The following PTPRS variants were observed in gnomAD, a reference collection of about 807,000 sequenced individuals.
The protein encoded by PTPRS is protein tyrosine phosphatase receptor type S, also known as receptor-type tyrosine-protein phosphatase S.
In PTPRS, 63 loss-of-function variants were observed where a neutral mutation model predicts 215.3. The ratio of observed to expected loss-of-function variants is 0.29; its 90% CI spans 0.24 to 0.36. The LOEUF (loss-of-function observed/expected upper bound fraction) is 0.36. PTPRS is among the 10% of genes least tolerant of loss of function. The pLI is 1.00. For missense variants in PTPRS, 2,258 were observed against 2,825.8 expected, an observed-to-expected ratio of 0.80 and a Z score of 4.56; for synonymous variants, 1,404 against 1,191.4, an observed-to-expected ratio of 1.18 and a Z score of -3.68.
chr19:5,231,257 CGGGGGCCGGGCTGGGGCCTGCGGG>C, intron 14 of PTPRS, 29 bp downstream of exon 14: 2 of 1,524,284 alleles, frequency 1.3e-6, no homozygotes, highest in Middle Eastern at 2.2e-4. Context: ...GGCTTCGAGG[CGGGGGCCGGGCTGGGGCCTGCGGG>C]GGGTCCCGGG....
chr19:5,230,621 CTA>C (rs944148018), intron 14 of PTPRS, among the ~76,000 whole-genome samples: 33 of 152,148 alleles, frequency 2.2e-4, no homozygotes, highest in African/African-American at 7.7e-4. Flanking sequence ...CCATGCTTGG[CTA>C]TGTTTTAAAA....
In PTPRS at chr19:5,220,367, GGAAA is replaced by G. The variant is rs1233635246; in HGVS notation, c.3456-18_3456-15del. On this transcript the variant is annotated splice_polypyrimidine_tract_variant and intron_variant, in intron 20 of 37. Transcript: ENST00000262963. ...ATGAAATAGCTCCTGTAGGGAGATG[GGAAA>G]GAGTCAGAGGGGCTGTCGATAGGGA... 8 of 1,606,984 alleles carry G rather than the reference GGAAA, an allele frequency of 5.0e-6. No homozygotes were observed. In the African/African-American group the frequency reaches 8.0e-5, roughly 16 times the overall value.
intron 13 of PTPRS, 97 bp from the exon 14 acceptor site, chr19:5,231,712 A>C: frequency 1.8e-6 from 1 of 559,428 alleles, no homozygotes; most frequent in Non-Finnish European, 3.2e-6. Context: ...AGAAAATAAA[A>C]AAGAAGATGA....
intron 1 of PTPRS, among the ~76,000 whole-genome samples, chr19:5,296,457 T>G (rs576453537): frequency 6.6e-6 from 1 of 152,228 alleles, no homozygotes; most frequent in South Asian, 2.1e-4. Flanking sequence ...GCTAGGATGG[T>G]GCCACTGCAG....
chr19:5,315,636 A>AC (rs2049852904), intron 1 of PTPRS, among the ~76,000 whole-genome samples: 1 of 147,174 alleles, frequency 6.8e-6, no homozygotes, highest in Non-Finnish European at 1.5e-5. Context: ...AGTAGCTGGG[A>AC]CAATAGGCAA....
chr19:5,212,489 A>G lies in PTPRS; in HGVS notation c.4617T>C (p.Asn1539=), dbSNP rs1317555330. Reference sequence around the variant, plus strand: ...GGACCTCGCGTTTCTCACTGGAGCCATTCTGGGGACCACAAGGATGTCACC... The same window carrying G: ...GGACCTCGCGTTTCTCACTGGAGCCGTTCTGGGGACCACAAGGATGTCACC... The part of the protein sequence containing the change: ...FCVRTFSLHK[N]GSSEKREVRQ... Residue 1539 remains asparagine, a splice_region_variant and synonymous_variant, in exon 31 of 38, where the codon AAT becomes AAC. Coordinates refer to ENST00000262963, the MANE Select transcript of PTPRS (RefSeq NM_002850.4). 1 of 1,587,380 alleles carries G rather than the reference A, an allele frequency of 6.3e-7. No homozygotes were observed. Among genetic ancestry groups the G allele is most frequent in the East Asian group, 2.3e-5 (1 of 43,456 alleles).
chr19:5,289,966 G>C (rs914601253), intron 1 of PTPRS, among the ~76,000 whole-genome samples: 49 of 152,260 alleles, frequency 3.2e-4, no homozygotes, highest in African/African-American at 1.2e-3. Flanking sequence ...TGGGCCACCA[G>C]CCTTGCCACT....
intron 8 of PTPRS, among the ~76,000 whole-genome samples, chr19:5,256,542 G>A (rs562079650): frequency 4.6e-5 from 7 of 152,044 alleles, no homozygotes; most frequent in South Asian, 2.1e-4. Flanking sequence ...GGCCCCACCC[G>A]GCTCCCTGCC....
At position 5,262,865 on chromosome 19, in the gene PTPRS, C is replaced by T. The variant is rs917479391; in HGVS notation, c.577+99G>A. On this transcript the variant is annotated intron_variant, in intron 6 of 37. Transcript: ENST00000262963. ...ACCAGGCAGAGTGGGTCACAGTTAC[C>T]ATCACGGTGGCTGTTAGTTTGGTGA... 4 of 1,315,338 alleles carry T rather than the reference C, an allele frequency of 3.0e-6. No homozygotes were observed. In the African/African-American group the frequency reaches 5.8e-5, roughly 19 times the overall value. 81.5% of individuals were successfully genotyped at this position (1,315,338 alleles called of 1,614,324 possible).
chr19:5,286,698 A>G (rs1323530216), intron 1 of PTPRS, among the ~76,000 whole-genome samples: 2 of 152,100 alleles, frequency 1.3e-5, no homozygotes, highest in Admixed American at 6.6e-5. Flanking sequence ...TGAGGTACCA[A>G]TTTCTGTCAT....
rs1341743998 is a variant in PTPRS at position 5,293,605 on chromosome 19, A to AGGGC, written c.-94-7375_-94-7372dup. Among the ~76,000 whole-genome samples the AGGGC allele has an allele frequency of 6.6e-6, 1 of 152,110 alleles. No individual in the cohort carries two copies. Among genetic ancestry groups the AGGGC allele is most frequent in the African/African-American group, 2.4e-5 (1 of 41,426 alleles). Reference sequence around the variant, plus strand: ...CGCATGAGGAGGCTGGATGCCGGACAGGGCGGCGGAGGGCTCCCCAAACAC... The same window carrying AGGGC: ...CGCATGAGGAGGCTGGATGCCGGACAGGGCGGGCGGCGGAGGGCTCCCCAAACAC... On this transcript the variant is annotated intron_variant, in intron 1 of 37. Coordinates refer to ENST00000262963, the MANE Select transcript of PTPRS (RefSeq NM_002850.4). The surrounding 1 kb of genome is among the most constrained non-coding windows in gnomAD (Gnocchi z 8.4).
rs1389372822 is a variant in PTPRS, at chr19:5,288,413, T to C, written c.-94-2179A>G. ...CTAGGTACACCTTGCACACAACCAG[T>C]TGGGGACTGGGAAGATGAAGGAAAT... On this transcript the variant is annotated intron_variant, in intron 1 of 37. Coordinates refer to ENST00000262963, the MANE Select transcript of PTPRS (RefSeq NM_002850.4). 2.6e-5 allele frequency among the ~76,000 whole-genome samples: 4 copies of C among 152,258 alleles called. No homozygotes were observed. The East Asian group carries it at 5.8e-4, about 22-fold the overall frequency.
chr19:5,211,394 G>A (rs1264793394), intron 33 of PTPRS, among the ~76,000 whole-genome samples, 196 bp downstream of exon 33: 1 of 152,172 alleles, frequency 6.6e-6, no homozygotes, highest in African/African-American at 2.4e-5. Context: ...ATTATGGACA[G>A]CAGCCATCAG....
intron 35 of PTPRS, among the ~76,000 whole-genome samples, chr19:5,208,612 A>C (rs146950415): frequency 0.014 from 2,123 of 152,164 alleles, 20 homozygotes; most frequent in Middle Eastern, 0.044. Flanking sequence ...CCTCCCGATT[A>C]GCTGGGATTA....
In PTPRS at chr19:5,234,884, G is replaced by C. The variant is rs911796098; in HGVS notation, c.1850-3269C>G. Among the ~76,000 whole-genome samples, 12 of 151,810 alleles carry C rather than the reference G, an allele frequency of 7.9e-5. 1 individual carries two copies. The highest frequency in any genetic ancestry group is 2.9e-4 in the African/African-American group (12 of 41,312). On this transcript the variant is annotated intron_variant, in intron 13 of 37. Transcript: ENST00000262963. ...TTTCCACATATGAAGCACCTACTAT[G>C]TGTCAGGCAACTCTACTAAGGGCCT...
rs1244894808 is a variant in PTPRS at position 5,294,511 on chromosome 19, G to A, written c.-94-8277C>T. ...ACTCTCTAGAAGCCATTACTCAGTG[G>A]GGCAAAGGACGTGGGCTTTGATGGG... On this transcript the variant is annotated intron_variant, in intron 1 of 37. Transcript: ENST00000262963. The surrounding 1 kb of genome is among the most constrained non-coding windows in gnomAD (Gnocchi z 5.1). The A allele has an allele frequency of 6.6e-6, 1 of 152,202 alleles. No individual in the cohort carries two copies. Among genetic ancestry groups the A allele is most frequent in the Non-Finnish European group, 1.5e-5 (1 of 68,048 alleles). 9.4% of individuals were successfully genotyped at this position (152,202 alleles called of 1,614,324 possible). A position where few individuals can be genotyped will look rare whatever the true frequency, so the allele number is the denominator to read the frequency against.
chr19:5,229,414 A>C, intron 15 of PTPRS, 72 bp from the exon 16 acceptor site: 1 of 1,346,658 alleles, frequency 7.4e-7, no homozygotes, highest in Non-Finnish European at 9.6e-7. Flanking sequence ...GGAGAAAGAG[A>C]AGCAGAGGTG....
intron 9 of PTPRS, among the ~76,000 whole-genome samples, chr19:5,248,626 C>A (rs887032723): frequency 6.6e-6 from 1 of 152,214 alleles, no homozygotes; most frequent in African/African-American, 2.4e-5. Context: ...CTCTCTAAAG[C>A]CCCTCTCAGT....
rs1032068852 is a variant in PTPRS at position 5,244,638 on chromosome 19, G to A, written c.989-156C>T. On this transcript the variant is annotated intron_variant, in intron 10 of 37. Transcript: ENST00000262963. This position sits in a 1 kb window ranked among gnomAD's most constrained non-coding sequence, Gnocchi z 7.2. ...ACTCCTGTCATCGTCTACAGCAAGGGGTAACAAACTATGGCCCAGGGTCCA... is the reference window on the plus strand; with the variant it reads ...ACTCCTGTCATCGTCTACAGCAAGGAGTAACAAACTATGGCCCAGGGTCCA... Among the ~76,000 whole-genome samples, 30 of 152,226 alleles carry A rather than the reference G, an allele frequency of 2.0e-4. 1 individual carries two copies. Among genetic ancestry groups the A allele is most frequent in the Admixed American group, 1.4e-3 (22 of 15,296 alleles).
Sources: allele counts gnomAD v4.1 joint callset (sites outside exome capture counted in the v4.1 genomes callset), GRCh38; gene constraint gnomAD v4.1.1; non-coding constraint Gnocchi (gnomAD v3.1); transcripts MANE v1.5; gene names NCBI Gene and HGNC (gene_info 2026-07-23, HGNC 2026-07-21).